MTFMT: variants seen among roughly 807,000 people sequenced by gnomAD.
MTFMT encodes methionyl-tRNA formyltransferase, mitochondrial.
A neutral mutation model predicts 51.8 loss-of-function variants in MTFMT; 47 were observed. That is an observed-to-expected ratio of 0.91 (90% CI 0.72 to 1.16). MTFMT has a LOEUF of 1.16. Ranked by LOEUF, MTFMT falls within the 50% of genes most tolerant of loss-of-function variation. MTFMT has a pLI of 0.00. For synonymous variants in MTFMT, 196 were observed against 176.7 expected, an observed-to-expected ratio of 1.11 and a Z score of -0.87; for missense variants, 512 against 482.3, an observed-to-expected ratio of 1.06 and a Z score of -0.58.
chr15:65,020,912 G>GT (rs1408335580), intron 4 of MTFMT, among the ~76,000 whole-genome samples: 5 of 152,252 alleles, frequency 3.3e-5, no homozygotes, highest in Admixed American at 1.3e-4. Context: ...CATTTGTGAG[G>GT]TAAGTGCCTA....
intron 6 of MTFMT, among the ~76,000 whole-genome samples, chr15:65,006,533 T>C (rs557018836): frequency 1.4e-4 from 22 of 152,110 alleles, no homozygotes; most frequent in Admixed American, 3.3e-4. Context: ...CCTGCAACCA[T>C]GCCCGGCTAA....
At chr15:65,025,250 A>AAAAG (rs1201469281) in intron 2 of MTFMT, among the ~76,000 whole-genome samples, 4 of 151,078 alleles carry the variant, frequency 2.6e-5, no homozygotes, top group African/African-American at 9.8e-5. Flanking sequence ...AAAAAAAAAA[A>AAAAG]AAGAGTTAGC....
In MTFMT at chr15:65,022,795, C is replaced by T. The variant is rs908262891; in HGVS notation, c.542+877G>A. Among the ~76,000 whole-genome samples the T allele has an allele frequency of 7.2e-5, 11 of 151,794 alleles. No individual in the cohort carries two copies. In the South Asian group the frequency reaches 2.3e-3, roughly 32 times the overall value. On this transcript the variant is annotated intron_variant, in intron 3 of 8. Coordinates refer to ENST00000220058, the MANE Select transcript of MTFMT (RefSeq NM_139242.4). ...GATCTTGCCTCACTGCCGCCTCAAC[C>T]TCCTAGGCTGAAGAGATCCTCTCAC...
At position 65,029,410 on chromosome 15, in the gene MTFMT, G is replaced by T. The variant is rs2086459351; in HGVS notation, c.204C>A (p.Ala68=). Residue 68 remains alanine, a synonymous_variant, in exon 1 of 9, where the codon GCC becomes GCA. Coordinates refer to ENST00000220058, the MANE Select transcript of MTFMT (RefSeq NM_139242.4). The part of the protein sequence containing the change: ...FAREALRALH[A]ARENKEEELI... ...CGGATCCCTGGCCCGGGTACCTGGC[G>T]GCGTGCAGCGCCCGCAGCGCCTCGC... 1 of 1,494,612 alleles carries T rather than the reference G, an allele frequency of 6.7e-7. No individual in the cohort carries two copies. Among genetic ancestry groups the T allele is most frequent in the Non-Finnish European group, 8.9e-7 (1 of 1,123,630 alleles). The allele number at this position is 1,494,612 out of a possible 1,614,324, so 92.6% of individuals were successfully genotyped here. A position where few individuals can be genotyped will look rare whatever the true frequency, so the allele number is the denominator to read the frequency against.
At chr15:65,021,442 GTTC>G (rs2086373319) in intron 4 of MTFMT, 69 bp downstream of exon 4, 6 of 1,116,156 alleles carry the variant, frequency 5.4e-6, no homozygotes, top group East Asian at 4.8e-5. Context: ...TCACAAAATT[GTTC>G]TTCTTTTTAT....
chr15:65,018,573 T>C (rs1243765782), intron 5 of MTFMT, among the ~76,000 whole-genome samples: 1 of 152,178 alleles, frequency 6.6e-6, no homozygotes, highest in African/African-American at 2.4e-5. Flanking sequence ...TGATCTCTAA[T>C]TATCAACCCC....
At chr15:65,012,319 T>TA (rs1432560851) in intron 6 of MTFMT, among the ~76,000 whole-genome samples, 5 of 142,840 alleles carry the variant, frequency 3.5e-5, no homozygotes, top group Admixed American at 1.4e-4. Context: ...ATAATAATAA[T>TA]AATAAAAAGA....
At position 65,027,011 on chromosome 15, in the gene MTFMT, T is replaced by G. The variant is rs201724990; in HGVS notation, c.239A>C (p.Lys80Thr). ...RENKEEELID[K>T]LEVVTMPSPS... ...GGAAGGCATTGTGACCACCTCCAGTTTGTCGATTAACTCTTCTTCTTTGTT... is the reference window on the plus strand; with the variant it reads ...GGAAGGCATTGTGACCACCTCCAGTGTGTCGATTAACTCTTCTTCTTTGTT... Residue 80 changes from lysine (K) to threonine (T), a missense_variant, in exon 2 of 9, where the codon AAA (lysine) becomes ACA (threonine). Physicochemically the swap from Lys to Thr is moderately conservative, Grantham distance 78. Coordinates refer to ENST00000220058, the MANE Select transcript of MTFMT (RefSeq NM_139242.4). 1 of 1,613,926 alleles carries G rather than the reference T, an allele frequency of 6.2e-7. No individual in the cohort carries two copies. The highest frequency in any genetic ancestry group is 8.5e-7 in the Non-Finnish European group (1 of 1,179,840).
intron 6 of MTFMT, among the ~76,000 whole-genome samples, chr15:65,013,994 A>G (rs1288132629): frequency 6.6e-6 from 1 of 151,964 alleles, no homozygotes; most frequent in Non-Finnish European, 1.5e-5. Flanking sequence ...AATCCCACTT[A>G]GTCATCATGT....
rs2086179464 is a variant in MTFMT at position 65,001,919 on chromosome 15, C to T, written c.*1143G>A. ...GGATGTAAAATGTTAATTTATAGTA[C>T]AGATCAATGTGGCAGAGATTATTAA... is the stretch of plus-strand genomic sequence containing the variant. On this transcript the variant is annotated 3_prime_UTR_variant, in exon 9 of 9. Transcript: ENST00000220058. 6.6e-6 allele frequency: 1 copy of T among 151,888 alleles called. No homozygotes were observed. Among genetic ancestry groups the T allele is most frequent in the Admixed American group, 6.6e-5 (1 of 15,230 alleles). The allele number at this position is 151,888 out of a possible 1,614,324, so 9.4% of individuals were successfully genotyped here.
chr15:65,023,283 A>G (rs2086391144), intron 3 of MTFMT, among the ~76,000 whole-genome samples: 1 of 152,198 alleles, frequency 6.6e-6, no homozygotes, highest in Non-Finnish European at 1.5e-5. Context: ...TTGATATACA[A>G]TATATTCTTA....
chr15:65,017,091 TAAA>T (rs68058563), intron 5 of MTFMT, among the ~76,000 whole-genome samples: 3 of 140,332 alleles, frequency 2.1e-5, no homozygotes, highest in African/African-American at 2.6e-5. Context: ...CAAAATAAAT[TAAA>T]AAAAAAAAAA....
chr15:65,009,907 G>C (rs1008702680), intron 6 of MTFMT, among the ~76,000 whole-genome samples: 77 of 152,076 alleles, frequency 5.1e-4, no homozygotes, highest in African/African-American at 1.6e-3. Flanking sequence ...ACTCTTCTTG[G>C]CCTCCCAAAG....
In MTFMT at chr15:65,021,859, G is replaced by A. The variant is rs115894298; in HGVS notation, c.543-243C>T. ...TAGTTTATCACTGGCTATTAATTTG[G>A]CTGTTAGACATTAGCAAGGAAGATA... On this transcript the variant is annotated intron_variant, in intron 3 of 8. Coordinates refer to ENST00000220058, the MANE Select transcript of MTFMT (RefSeq NM_139242.4). 1.8e-3 allele frequency among the ~76,000 whole-genome samples: 270 copies of A among 152,250 alleles called. 1 individual carries two copies. The highest frequency in any genetic ancestry group is 6.1e-3 in the African/African-American group (253 of 41,540).
At chr15:65,017,260 A>C (rs2140482399) in intron 5 of MTFMT, among the ~76,000 whole-genome samples, 1 of 152,300 alleles carries the variant, frequency 6.6e-6, no homozygotes, top group South Asian at 2.1e-4. Context: ...CATGGGCAAA[A>C]GATATACTAC....
intron 5 of MTFMT, among the ~76,000 whole-genome samples, chr15:65,018,585 C>T (rs374954768): frequency 6.6e-6 from 1 of 152,112 alleles, no homozygotes; most frequent in African/African-American, 2.4e-5. Flanking sequence ...ATCAACCCCA[C>T]TAAAATGAAC....
chr15:65,002,983 AAGTCCAGAT>A lies in MTFMT; in HGVS notation c.*70_*78del. The A allele has an allele frequency of 1.0e-6, 1 of 956,534 alleles. No homozygotes were observed. The highest frequency in any genetic ancestry group is 1.4e-6 in the Non-Finnish European group (1 of 705,528). The allele number at this position is 956,534 out of a possible 1,614,324, so 59.3% of individuals were successfully genotyped here. ...GTCTCAAAAAAAAAAAAAAAAAAAA[AAGTCCAGAT>A]AATTCCTTGTAAATAAGGTTTTTAA... On this transcript the variant is annotated 3_prime_UTR_variant, in exon 9 of 9. Transcript: ENST00000220058.
In MTFMT at chr15:65,026,743, T is replaced by C. The variant is rs1226161459; in HGVS notation, c.419+88A>G. 9.0e-6 allele frequency: 9 copies of C among 999,182 alleles called. No homozygotes were observed. In the East Asian group the frequency reaches 2.0e-4, roughly 22 times the overall value. The allele number at this position is 999,182 out of a possible 1,614,324, so 61.9% of individuals were successfully genotyped here. On this transcript the variant is annotated intron_variant, in intron 2 of 8. Coordinates refer to ENST00000220058, the MANE Select transcript of MTFMT (RefSeq NM_139242.4). The stretch of plus-strand genomic sequence containing the variant: ...AAAAAAGAAAATATTACAGAAAGCA[T>C]AGAGTTCAAATTATCACATTTTATA...
At position 65,025,054 on chromosome 15, in the gene MTFMT, T is replaced by C. The variant is rs181091360; in HGVS notation, c.420-1260A>G. 1.8e-4 allele frequency among the ~76,000 whole-genome samples: 27 copies of C among 151,916 alleles called. 1 individual carries two copies. Among genetic ancestry groups the C allele is most frequent in the African/African-American group, 6.5e-4 (27 of 41,412 alleles). On this transcript the variant is annotated intron_variant, in intron 2 of 8. Coordinates refer to ENST00000220058, the MANE Select transcript of MTFMT (RefSeq NM_139242.4). ...CCTTTTATTGAGTAAGACAGAAAATTACCAGAGGATTTTGAGCAGAGTGAC... is the reference window on the plus strand; with the variant it reads ...CCTTTTATTGAGTAAGACAGAAAATCACCAGAGGATTTTGAGCAGAGTGAC...
Sources: allele counts gnomAD v4.1 joint callset (sites outside exome capture counted in the v4.1 genomes callset), GRCh38; gene constraint gnomAD v4.1.1; transcripts MANE v1.5; gene names NCBI Gene and HGNC (gene_info 2026-07-23, HGNC 2026-07-21).